TMEM201: variants seen among roughly 807,000 people sequenced by gnomAD.
The protein encoded by TMEM201 is transmembrane protein 201.
A neutral mutation model predicts 63.4 loss-of-function variants in TMEM201; 26 were observed. The ratio of observed to expected loss-of-function variants is 0.41; its 90% CI spans 0.30 to 0.57. The LOEUF is 0.57. Among genes scored for constraint, TMEM201 ranks in the 20% least tolerant of loss-of-function variants. TMEM201 has a pLI of 0.29. For missense variants in TMEM201, 794 were observed against 917.7 expected (o/e 0.87, Z 1.74); for synonymous variants, 417 against 421.6 (o/e 0.99, Z 0.14).
rs773530904 is a variant in TMEM201 at position 9,610,561 on chromosome 1, G to A, written c.1521G>A (p.Ala507=). ...CCTCCTCCCCACTCCCTTCCCCAGCGCCTTCCGTGGCCGGCTCGGTGGCCT... is the reference window on the plus strand; with the variant it reads ...CCTCCTCCCCACTCCCTTCCCCAGCACCTTCCGTGGCCGGCTCGGTGGCCT... ...SCPSSPLPSP[A]PSVAGSVASS... The change falls in exon 9 of 11, where the codon GCG becomes GCA. Residue 507 remains alanine (A), a synonymous_variant. Transcript: ENST00000340381. The surrounding 1 kb of genome is among the most constrained non-coding windows in gnomAD (Gnocchi z 4.9). 75 of 1,549,512 alleles carry A rather than the reference G, an allele frequency of 4.8e-5. No individual in the cohort carries two copies. The highest frequency in any genetic ancestry group is 4.4e-4 in the African/African-American group (32 of 73,088).
At position 9,613,015 on chromosome 1, in the gene TMEM201, C is replaced by T. The variant is rs1644345827; in HGVS notation, c.1933C>T (p.Leu645Phe). 4 of 1,551,552 alleles carry T rather than the reference C, an allele frequency of 2.6e-6. No homozygotes were observed. Among genetic ancestry groups the T allele is most frequent in the Non-Finnish European group, 3.5e-6 (4 of 1,146,952 alleles). Residue 645 changes from leucine (L) to phenylalanine (F), a missense_variant, in exon 11 of 11, where the codon CTC (leucine) becomes TTC (phenylalanine). By Grantham distance (22) the Leu-to-Phe change is conservative. Coordinates refer to ENST00000340381, the MANE Select transcript of TMEM201 (RefSeq NM_001130924.3). Reference protein sequence around the residue: ...GRFGPSLVRGLLAVSLAANAL... With the variant: ...GRFGPSLVRGFLAVSLAANAL... ...TTTCGGCCCTTCCCTGGTCCGGGGCCTCCTGGCCGTGAGCTTGGCCGCCAA... is the reference window on the plus strand; with the variant it reads ...TTTCGGCCCTTCCCTGGTCCGGGGCTTCCTGGCCGTGAGCTTGGCCGCCAA...
chr1:9,606,899 CA>C (rs1419110567), intron 6 of TMEM201, among the ~76,000 whole-genome samples: 1 of 152,178 alleles, frequency 6.6e-6, no homozygotes, highest in Non-Finnish European at 1.5e-5. Flanking sequence ...GAGCCTCTTC[CA>C]GGGGGTTCCA....
rs1293869820 is a variant in TMEM201 at position 9,614,804 on chromosome 1, A to C, written c.*1721A>C. On this transcript the variant is annotated 3_prime_UTR_variant, in exon 11 of 11. Coordinates refer to ENST00000340381, the MANE Select transcript of TMEM201 (RefSeq NM_001130924.3). ...GAGGGGGTTTTATGTTTTGTTTCAA[A>C]CAGAAAACACAACCTTATTTTTCTT... The C allele has an allele frequency of 6.6e-6, 1 of 152,200 alleles. No homozygotes were observed. The highest frequency in any genetic ancestry group is 1.5e-5 in the Non-Finnish European group (1 of 68,034). 9.4% of individuals were successfully genotyped at this position (152,200 alleles called of 1,614,324 possible). A position where few individuals can be genotyped will look rare whatever the true frequency, so the allele number is the denominator to read the frequency against.
In TMEM201 at chr1:9,595,819, A is replaced by G. The variant is rs962647958; in HGVS notation, c.114-71A>G. 1.7e-5 allele frequency: 27 copies of G among 1,599,618 alleles called. No individual in the cohort carries two copies. In the African/African-American group the frequency reaches 3.2e-4, roughly 19 times the overall value. ...ACCCTTTCCCTGGTGGCCCTGGGGC[A>G]GGGCATGGAGGTCCCTCTCCAGCAG... On this transcript the variant is annotated intron_variant, in intron 1 of 10. Transcript: ENST00000340381.
chr1:9,610,912 G>C lies in TMEM201; in HGVS notation c.1765+107G>C. Reference sequence around the variant, plus strand: ...CATCCTTGCTCTGACTCCGGTGTGCGCCTTCCCACCCTGGAGCTCTAGGCA... The same window carrying C: ...CATCCTTGCTCTGACTCCGGTGTGCCCCTTCCCACCCTGGAGCTCTAGGCA... On this transcript the variant is annotated intron_variant, in intron 9 of 10. Coordinates refer to ENST00000340381, the MANE Select transcript of TMEM201 (RefSeq NM_001130924.3). This position sits in a 1 kb window ranked among gnomAD's most constrained non-coding sequence, Gnocchi z 4.9. The C allele has an allele frequency of 6.7e-7, 1 of 1,488,994 alleles. No individual in the cohort carries two copies. Among genetic ancestry groups the C allele is most frequent in the Non-Finnish European group, 9.0e-7 (1 of 1,112,868 alleles). The allele number at this position is 1,488,994 out of a possible 1,614,324, so 92.2% of individuals were successfully genotyped here.
chr1:9,609,991 T>C (rs1644299546), intron 8 of TMEM201, 80 bp downstream of exon 8: 2 of 1,399,404 alleles, frequency 1.4e-6, no homozygotes, highest in Non-Finnish European at 2.0e-6. Flanking sequence ...TTGTGTGAGC[T>C]TTGGGGTCAG....
At chr1:9,596,766 C>A (rs946401480) in intron 2 of TMEM201, 93 bp from the exon 3 acceptor site, 120 of 1,299,274 alleles carry the variant, frequency 9.2e-5, no homozygotes, top group Non-Finnish European at 1.2e-4. Context: ...TCTACCATCA[C>A]TTGCCTGGAG....
chr1:9,591,624 G>A (rs999084139), intron 1 of TMEM201, among the ~76,000 whole-genome samples: 9 of 152,224 alleles, frequency 5.9e-5, no homozygotes, highest in African/African-American at 1.9e-4. Context: ...CCACCGCCCC[G>A]CCTCCGGGGC....
intron 6 of TMEM201, 131 bp downstream of exon 6, chr1:9,602,403 C>T: frequency 6.5e-6 from 9 of 1,385,322 alleles, no homozygotes; most frequent in Non-Finnish European, 8.7e-6. Context: ...CCCCACCCTA[C>T]AGCCCCAGGT....
Position 9,607,467 on chromosome 1 carries a change from C to A in TMEM201, c.1161-90C>A. 1 of 1,016,504 alleles carries A rather than the reference C, an allele frequency of 9.8e-7. No individual in the cohort carries two copies. The allele number at this position is 1,016,504 out of a possible 1,614,324, so 63.0% of individuals were successfully genotyped here. ...CCCCAGCTGAGGCCCCCACCTTGCA[C>A]TGTGGGAGAGGGGTGGGACCCACTG... On this transcript the variant is annotated intron_variant, in intron 6 of 10. Transcript: ENST00000340381. The surrounding 1 kb of genome is among the most constrained non-coding windows in gnomAD (Gnocchi z 5.4).
chr1:9,611,912 A>G, intron 10 of TMEM201, 22 bp downstream of exon 10: 10 of 855,492 alleles, frequency 1.2e-5, no homozygotes, highest in African/African-American at 1.7e-5. Flanking sequence ...GAGGTGCGGG[A>G]GGGGAGGGGG....
rs199708605 is a variant in TMEM201 at position 9,598,635 on chromosome 1, G to A, written c.606+10G>A. 96 of 1,609,490 alleles carry A rather than the reference G, an allele frequency of 6.0e-5. No individual in the cohort carries two copies. Among genetic ancestry groups the A allele is most frequent in the South Asian group, 2.1e-4 (19 of 90,814 alleles). On this transcript the variant is annotated intron_variant, in intron 4 of 10. Transcript: ENST00000340381. ...CCAGACCCACGCACAGGTGAGAGGC[G>A]GCATCCACAGGGCGGGGGTGGGGGT... is the stretch of plus-strand genomic sequence containing the variant.
In TMEM201 at chr1:9,610,544, C is replaced by T; in HGVS notation, c.1504C>T (p.Pro502Ser). 1.3e-6 allele frequency: 2 copies of T among 1,546,554 alleles called. No homozygotes were observed. Among genetic ancestry groups the T allele is most frequent in the South Asian group, 1.2e-5 (1 of 83,932 alleles). The stretch of plus-strand genomic sequence containing the variant: ...TCTGTCGGGGAGCTGCCCCTCCTCC[C>T]CACTCCCTTCCCCAGCGCCTTCCGT... Reference protein sequence around the residue: ...SLLSGSCPSSPLPSPAPSVAG... With the variant: ...SLLSGSCPSSSLPSPAPSVAG... Residue 502 changes from proline (P) to serine (S), a missense_variant, in exon 9 of 11, where the codon CCA becomes TCA. By Grantham distance (74) the Pro-to-Ser change is moderately conservative. Coordinates refer to ENST00000340381, the MANE Select transcript of TMEM201 (RefSeq NM_001130924.3). This position sits in a 1 kb window ranked among gnomAD's most constrained non-coding sequence, Gnocchi z 4.9.
Position 9,610,756 on chromosome 1 carries a change from GC to G in TMEM201, c.1720del (p.His574MetfsTer11). 2 of 1,548,934 alleles carry G rather than the reference GC, an allele frequency of 1.3e-6. No homozygotes were observed. The highest frequency in any genetic ancestry group is 1.7e-6 in the Non-Finnish European group (2 of 1,145,766). The stretch of plus-strand genomic sequence containing the variant: ...ACGGCAGCCTCTTCACCATGGAGCC[GC>G]CCCATGTTCCCCGGAAGCCGCCCCT... ...HNGSLFTMEP[P>X]HVPRKPPLQD... On this transcript the variant is annotated frameshift_variant, in exon 9 of 11. Coordinates refer to ENST00000340381, the MANE Select transcript of TMEM201 (RefSeq NM_001130924.3). LOFTEE classifies it high-confidence loss of function. This position sits in a 1 kb window ranked among gnomAD's most constrained non-coding sequence, Gnocchi z 4.9.
At position 9,610,733 on chromosome 1, in the gene TMEM201, G is replaced by A. The variant is rs775933639; in HGVS notation, c.1693G>A (p.Gly565Ser). The change falls in exon 9 of 11, where the codon GGC becomes AGC. Residue 565 changes from glycine to serine, a missense_variant. Transcript: ENST00000340381. This position sits in a 1 kb window ranked among gnomAD's most constrained non-coding sequence, Gnocchi z 4.9. ...CTCCGATGAGCACTCGCCTCACAAC[G>A]GCAGCCTCTTCACCATGGAGCCGCC... ...SSSDEHSPHN[G>S]SLFTMEPPHV... is the part of the protein sequence containing the mutation. 14 of 1,550,160 alleles carry A rather than the reference G, an allele frequency of 9.0e-6. No individual in the cohort carries two copies. The highest frequency in any genetic ancestry group is 2.4e-5 in the East Asian group (1 of 40,912).
chr1:9,603,626 G>A lies in TMEM201; in HGVS notation c.1160+1354G>A, dbSNP rs928949534. The stretch of plus-strand genomic sequence containing the variant: ...AAGAGCAGATCACAGGTGCATGAGG[G>A]TTACACCCGTCACCTGGGTCTGCCG... On this transcript the variant is annotated intron_variant, in intron 6 of 10. Coordinates refer to ENST00000340381, the MANE Select transcript of TMEM201 (RefSeq NM_001130924.3). The surrounding 1 kb of genome is among the most constrained non-coding windows in gnomAD (Gnocchi z 4.5). 7.1e-6 allele frequency: 7 copies of A among 985,478 alleles called. No homozygotes were observed. The highest frequency in any genetic ancestry group is 8.4e-6 in the Non-Finnish European group (7 of 829,978). 61.0% of individuals were successfully genotyped at this position (985,478 alleles called of 1,614,324 possible). A position where few individuals can be genotyped will look rare whatever the true frequency, so the allele number is the denominator to read the frequency against.
intron 1 of TMEM201, among the ~76,000 whole-genome samples, chr1:9,592,857 G>A (rs1000841998): frequency 1.3e-5 from 2 of 152,158 alleles, no homozygotes; most frequent in African/African-American, 2.4e-5. Flanking sequence ...CCAGGCCCTC[G>A]TGTCCACCCA....
At chr1:9,595,513 C>T (rs1008483086) in intron 1 of TMEM201, among the ~76,000 whole-genome samples, 12 of 152,126 alleles carry the variant, frequency 7.9e-5, no homozygotes, top group African/African-American at 1.2e-4. Flanking sequence ...CCAGCCCTGG[C>T]CCCTGTTGTG....
intron 1 of TMEM201, among the ~76,000 whole-genome samples, chr1:9,594,924 C>T: frequency 6.6e-6 from 1 of 152,246 alleles, no homozygotes; most frequent in East Asian, 1.9e-4. Flanking sequence ...CTCTCTGGTC[C>T]TGTGGACGGG....
Sources: allele counts gnomAD v4.1 joint callset (sites outside exome capture counted in the v4.1 genomes callset), GRCh38; gene constraint gnomAD v4.1.1; non-coding constraint Gnocchi (gnomAD v3.1); transcripts MANE v1.5; gene names NCBI Gene and HGNC (gene_info 2026-07-23, HGNC 2026-07-21).